The following SDR42E2 variants were observed in gnomAD, a reference collection of about 807,000 sequenced individuals.
The protein encoded by SDR42E2 is short chain dehydrogenase/reductase family 42E, member 2.
SDR42E2 carries 20 observed loss-of-function variants against 10.5 expected under a neutral mutation model. The ratio of observed to expected loss-of-function variants is 1.90; its 90% CI spans 1.34 to 2.77. The LOEUF (loss-of-function observed/expected upper bound fraction) is 2.77. Ranked by LOEUF, SDR42E2 falls within the 30% of genes most tolerant of loss-of-function variation. The probability of loss-of-function intolerance (pLI) is 0.00; values close to 1 mark genes in which losing one functional copy is unlikely to be tolerated. For missense variants in SDR42E2, 162 were observed against 104.2 expected (o/e 1.55, Z -2.42); for synonymous variants, 72 against 39.2 (o/e 1.84, Z -3.12).
At chr16:22,182,695 T>C (rs1295372646) in intron 10 of SDR42E2, among the ~76,000 whole-genome samples, 1 of 152,150 alleles carries the variant, frequency 6.6e-6, no homozygotes, top group Non-Finnish European at 1.5e-5. Flanking sequence ...AGCCAGAAGA[T>C]TTCACGTCAA....
Position 22,170,883 on chromosome 16 carries a change from G to T in SDR42E2, c.445G>T (p.Val149Phe), listed in dbSNP as rs1388906677. ...PRLIYTSTVN[V>F]AFGGKPIEQG... ...GCTCATCTATACCAGCACTGTCAATGTTGCATTTGGAGGGAAGCCCATAGA... is the reference window on the plus strand; with the variant it reads ...GCTCATCTATACCAGCACTGTCAATTTTGCATTTGGAGGGAAGCCCATAGA... Residue 149 changes from valine to phenylalanine, a missense_variant, in exon 6 of 13, where the codon GTT (valine) becomes TTT (phenylalanine). Val to Phe is a conservative substitution (Grantham distance 50, BLOSUM62 -1). Coordinates refer to ENST00000602312, the MANE Select transcript of SDR42E2 (RefSeq NM_001394319.2). 2.8e-6 allele frequency: 2 copies of T among 702,906 alleles called. No homozygotes were observed. Among genetic ancestry groups the T allele is most frequent in the Admixed American group, 2.0e-5 (1 of 49,984 alleles). 43.5% of individuals were successfully genotyped at this position (702,906 alleles called of 1,614,324 possible). A position where few individuals can be genotyped will look rare whatever the true frequency, so the allele number is the denominator to read the frequency against.
At chr16:22,177,557 G>A (rs1393684545) in intron 7 of SDR42E2, among the ~76,000 whole-genome samples, 1 of 152,132 alleles carries the variant, frequency 6.6e-6, no homozygotes, top group East Asian at 1.9e-4. Flanking sequence ...GAACCCGGGA[G>A]ATGGAGGTTG....
At chr16:22,173,117 T>C (rs994388682) in intron 7 of SDR42E2, among the ~76,000 whole-genome samples, 4 of 152,152 alleles carry the variant, frequency 2.6e-5, no homozygotes, top group South Asian at 4.1e-4. Context: ...TGGTTATAGA[T>C]GAGTAATAGT....
At chr16:22,166,485 G>T (rs914708276) in intron 3 of SDR42E2, 51 bp downstream of exon 3, 29 of 402,548 alleles carry the variant, frequency 7.2e-5, no homozygotes, top group Non-Finnish European at 1.8e-5. Context: ...ATGGTCAGGG[G>T]ACAGTGTTTG....
At chr16:22,179,057 G>A (rs2046670386) in intron 8 of SDR42E2, among the ~76,000 whole-genome samples, 1 of 152,102 alleles carries the variant, frequency 6.6e-6, no homozygotes, top group Non-Finnish European at 1.5e-5. Flanking sequence ...GCAATGGTGT[G>A]ATCATGGCTC....
At chr16:22,188,917 G>A (rs1161332065) in intron 12 of SDR42E2, among the ~76,000 whole-genome samples, 1 of 152,104 alleles carries the variant, frequency 6.6e-6, no homozygotes, top group African/African-American at 2.4e-5. Flanking sequence ...AGTTCAAAGG[G>A]GAAGACAGCC....
intron 2 of SDR42E2, 39 bp from the exon 3 acceptor site, chr16:22,166,211 G>A: frequency 2.5e-6 from 1 of 407,472 alleles, no homozygotes. Context: ...TCTGGGACTG[G>A]GCCCAGACCC....
chr16:22,185,946 G>GT (rs1248470482), intron 11 of SDR42E2, among the ~76,000 whole-genome samples: 4 of 150,354 alleles, frequency 2.7e-5, no homozygotes, highest in African/African-American at 1.0e-4. Context: ...GTCTCACTTT[G>GT]TTGTCTAGGC....
Position 22,186,736 on chromosome 16 carries a change from G to A in SDR42E2, c.956G>A (p.Arg319His), listed in dbSNP as rs2046739089. 1.5e-5 allele frequency: 6 copies of A among 400,772 alleles called. No individual in the cohort carries two copies. The highest frequency in any genetic ancestry group is 6.2e-5 in the African/African-American group (3 of 48,554). The allele number at this position is 400,772 out of a possible 1,614,324, so 24.8% of individuals were successfully genotyped here. The change falls in exon 12 of 13, where the codon CGC becomes CAC. Residue 319 changes from arginine (R) to histidine (H), a missense_variant. Transcript: ENST00000602312. ...TTCCCTGCAGCAGCAGTTATGGAGC[G>A]CCTCCATCTGGCCCTGAGACCCATC... is the stretch of plus-strand genomic sequence containing the variant. ...WVYLTAAVME[R>H]LHLALRPICS...
In SDR42E2 at chr16:22,166,961, T is replaced by C. The variant is rs1477115578; in HGVS notation, c.298T>C (p.Phe100Leu). ...TGCCTTCGAAGGGGTGGACTGTGTCTTCCACGTGGCTTCCTATGGAATGTC... is the reference window on the plus strand; with the variant it reads ...TGCCTTCGAAGGGGTGGACTGTGTCCTCCACGTGGCTTCCTATGGAATGTC... ...YRAFEGVDCV[F>L]HVASYGMSGA... is the part of the protein sequence containing the mutation. Residue 100 changes from phenylalanine (F) to leucine (L), a missense_variant, in exon 4 of 13, where the codon TTC becomes CTC. Physicochemically the swap from Phe to Leu is conservative, Grantham distance 22. Coordinates refer to ENST00000602312, the MANE Select transcript of SDR42E2 (RefSeq NM_001394319.2). 1.4e-6 allele frequency: 1 copy of C among 702,138 alleles called. No individual in the cohort carries two copies. The highest frequency in any genetic ancestry group is 2.6e-6 in the Non-Finnish European group (1 of 384,546). 43.5% of individuals were successfully genotyped at this position (702,138 alleles called of 1,614,324 possible). A position where few individuals can be genotyped will look rare whatever the true frequency, so the allele number is the denominator to read the frequency against.
intron 11 of SDR42E2, among the ~76,000 whole-genome samples, chr16:22,186,511 C>A (rs993242303): frequency 6.6e-6 from 1 of 152,180 alleles, no homozygotes; most frequent in African/African-American, 2.4e-5. Flanking sequence ...CCAGCCTGGT[C>A]ATTTAATATT....
At chr16:22,172,514 C>G (rs538781574) in intron 7 of SDR42E2, among the ~76,000 whole-genome samples, 183 bp downstream of exon 7, 1 of 152,228 alleles carries the variant, frequency 6.6e-6, no homozygotes, top group Admixed American at 6.5e-5. Context: ...GGCTGCACCC[C>G]ACCAGGGATA....
At chr16:22,173,457 C>T (rs905842066) in intron 7 of SDR42E2, among the ~76,000 whole-genome samples, 1 of 152,018 alleles carries the variant, frequency 6.6e-6, no homozygotes, top group African/African-American at 2.4e-5. Flanking sequence ...TGACCTCAAG[C>T]GATCCACCTG....
chr16:22,172,310 G>A lies in SDR42E2; in HGVS notation c.568G>A (p.Ala190Thr), dbSNP rs1209779516. ...CATCGCCGACCAATTGACCCTCATG[G>A]CCAATGGGATGCCTCTCCCAGGTGA... ...KAIADQLTLM[A>T]NGMPLPGGGT... Residue 190 changes from alanine (A) to threonine (T), a missense_variant, in exon 7 of 13, where the codon GCC becomes ACC. By Grantham distance (58) the Ala-to-Thr change is moderately conservative. Coordinates refer to ENST00000602312, the MANE Select transcript of SDR42E2 (RefSeq NM_001394319.2). 2 of 703,212 alleles carry A rather than the reference G, an allele frequency of 2.8e-6. No individual in the cohort carries two copies. The highest frequency in any genetic ancestry group is 5.4e-5 in the East Asian group (2 of 37,296). The allele number at this position is 703,212 out of a possible 1,614,324, so 43.6% of individuals were successfully genotyped here. A position where few individuals can be genotyped will look rare whatever the true frequency, so the allele number is the denominator to read the frequency against.
At chr16:22,178,643 C>CAG (rs2046666186) in intron 8 of SDR42E2, among the ~76,000 whole-genome samples, 1 of 152,186 alleles carries the variant, frequency 6.6e-6, no homozygotes, top group African/African-American at 2.4e-5. Context: ...CTCAGGGAGA[C>CAG]AGACACCACA....
At chr16:22,173,897 G>A (rs371417821) in intron 7 of SDR42E2, among the ~76,000 whole-genome samples, 4 of 123,688 alleles carry the variant, frequency 3.2e-5, no homozygotes, top group South Asian at 2.8e-4. Flanking sequence ...GTATATATAT[G>A]TGTGTGTGTA....
intron 12 of SDR42E2, among the ~76,000 whole-genome samples, chr16:22,188,703 C>T (rs1232582915): frequency 2.6e-5 from 4 of 152,162 alleles, no homozygotes; most frequent in Non-Finnish European, 5.9e-5. Flanking sequence ...TTGGGGATTT[C>T]CTTGTTCAGC....
intron 4 of SDR42E2, 72 bp downstream of exon 4, chr16:22,167,071 A>G: frequency 1.6e-6 from 1 of 630,818 alleles, no homozygotes; most frequent in South Asian, 1.7e-5. Context: ...CCTCACACCC[A>G]TGCATTCCCT....
At chr16:22,182,910 C>T (rs1223855519) in intron 10 of SDR42E2, among the ~76,000 whole-genome samples, 2 of 152,020 alleles carry the variant, frequency 1.3e-5, no homozygotes, top group Non-Finnish European at 2.9e-5. Context: ...GCAGCTGAGG[C>T]GGGAGGATCT....
Sources: gnomAD v4.1 joint callset for allele counts (sites outside exome capture counted in the v4.1 genomes callset) on GRCh38, gnomAD v4.1.1 for gene constraint, MANE v1.5 for transcripts, NCBI Gene and HGNC (gene_info 2026-07-23, HGNC 2026-07-21) for gene names.